The following COL5A2 variants were observed in gnomAD, a reference collection of about 807,000 sequenced individuals.
COL5A2 encodes collagen type V alpha 2 chain.
COL5A2 carries 23 observed loss-of-function variants against 208.2 expected under a neutral mutation model. The ratio of observed to expected loss-of-function variants is 0.11; its 90% CI spans 0.08 to 0.16. COL5A2 has a LOEUF of 0.16. COL5A2 is among the 10% of genes least tolerant of loss of function. The pLI is 1.00. For synonymous variants in COL5A2, 625 were observed against 628.5 expected (o/e 0.99, Z 0.08); for missense variants, 1,590 against 1,956.4 (o/e 0.81, Z 3.53).
At chr2:189,382,399 T>A in the COL5A2 span, among the ~76,000 whole-genome samples, 12 of 152,038 alleles carry the variant, frequency 7.9e-5, no homozygotes, top group Non-Finnish European at 7.4e-5. Flanking sequence ...AAAATAAAGA[T>A]TTTTTAAAGA....
chr2:189,363,731 T>C, the COL5A2 span, among the ~76,000 whole-genome samples: 1 of 152,238 alleles, frequency 6.6e-6, no homozygotes, highest in East Asian at 1.9e-4. Flanking sequence ...CTCTCCCAAG[T>C]CATGAGTGGC....
the COL5A2 span, among the ~76,000 whole-genome samples, chr2:189,390,427 G>T: frequency 6.6e-6 from 1 of 152,136 alleles, no homozygotes; most frequent in Non-Finnish European, 1.5e-5. Flanking sequence ...AGGTAAACTT[G>T]ACTAGGCATA....
chr2:189,049,240 C>T (rs1238931571), intron 44 of COL5A2, 107 bp downstream of exon 44: 4 of 811,192 alleles, frequency 4.9e-6, no homozygotes, highest in East Asian at 2.7e-5. Flanking sequence ...AAGAAACTTT[C>T]TTAAGGTCAA....
upstream of COL5A2, among the ~76,000 whole-genome samples, chr2:189,184,861 T>C (rs1394338835): frequency 6.6e-6 from 1 of 152,184 alleles, no homozygotes; most frequent in Non-Finnish European, 1.5e-5. Context: ...TTAGATTGTG[T>C]AAAAGTAGGC....
chr2:189,075,439 T>C lies in COL5A2; in HGVS notation c.1060-2A>G. 2 of 1,604,378 alleles carry C rather than the reference T, an allele frequency of 1.2e-6. No homozygotes were observed. Among genetic ancestry groups the C allele is most frequent in the Non-Finnish European group, 8.5e-7 (1 of 1,171,628 alleles). On this transcript the variant is annotated splice_acceptor_variant, in intron 16 of 53. Transcript: ENST00000374866. LOFTEE classifies it high-confidence loss of function. ...CATACCATGTGCACCTCGTTGTCCC[T>C]AATTAAGAGAAAAAGAGACAAGACA...
At chr2:189,213,041 A>G (rs573574716) in intron 1 of COL5A2, among the ~76,000 whole-genome samples, 1 of 152,000 alleles carries the variant, frequency 6.6e-6, no homozygotes, top group African/African-American at 2.4e-5. Context: ...GGCGCATGTC[A>G]CCATGACTAG....
At chr2:189,111,863 C>CT (rs374979665) in intron 1 of COL5A2, among the ~76,000 whole-genome samples, 19,525 of 145,446 alleles carry the variant, frequency 0.13, 1,284 homozygotes, top group Middle Eastern at 0.2. Flanking sequence ...TATTTCTTTT[C>CT]TTTTTTTTTT....
In COL5A2 at chr2:189,036,599, TA is replaced by T. The variant is rs779762130; in HGVS notation, c.4113+16del. ...AAAAAGTAAAGAATACAATTTTAAG[TA>T]AACATATTAAATTACCTGAGACCCT... On this transcript the variant is annotated intron_variant, in intron 52 of 53. Coordinates refer to ENST00000374866, the MANE Select transcript of COL5A2 (RefSeq NM_000393.5). 4 of 1,587,220 alleles carry T rather than the reference TA, an allele frequency of 2.5e-6. No individual in the cohort carries two copies. The highest frequency in any genetic ancestry group is 1.3e-5 in the African/African-American group (1 of 74,284).
At chr2:189,245,137 G>A in the COL5A2 span, among the ~76,000 whole-genome samples, 1 of 152,106 alleles carries the variant, frequency 6.6e-6, no homozygotes, top group African/African-American at 2.4e-5. Flanking sequence ...GATCTGGATG[G>A]GGACACAGCC....
At chr2:189,234,435 T>C in the COL5A2 span, among the ~76,000 whole-genome samples, 2 of 151,826 alleles carry the variant, frequency 1.3e-5, no homozygotes, top group African/African-American at 2.4e-5. Flanking sequence ...TTTTTCCATA[T>C]ATTGGCTGAA....
chr2:189,072,114 A>C, intron 17 of COL5A2, 21 bp from the exon 18 acceptor site: 4 of 1,579,714 alleles, frequency 2.5e-6, no homozygotes, highest in Non-Finnish European at 3.5e-6. Flanking sequence ...AAACCAGAAA[A>C]GTAATCAGAC....
chr2:189,086,698 G>A lies in COL5A2; in HGVS notation c.690+28C>T, dbSNP rs371071806. 3.8e-4 allele frequency: 585 copies of A among 1,539,074 alleles called. 4 individuals are homozygous for A. The African/African-American group carries it at 6.2e-3, about 16-fold the overall frequency. ...TGTGTGTGTGTATGTTTTTCTTACA[G>A]CATGTAATTAATTATAAAGAGACTT... is the stretch of plus-strand genomic sequence containing the variant. On this transcript the variant is annotated intron_variant, in intron 9 of 53. Coordinates refer to ENST00000374866, the MANE Select transcript of COL5A2 (RefSeq NM_000393.5).
At chr2:189,426,970 A>G in the COL5A2 span, among the ~76,000 whole-genome samples, 1 of 152,346 alleles carries the variant, frequency 6.6e-6, no homozygotes, top group South Asian at 2.1e-4. Flanking sequence ...AGAAAAGCCC[A>G]TTTTCAGGGG....
intron 1 of COL5A2, among the ~76,000 whole-genome samples, chr2:189,191,166 AC>A (rs369061155): frequency 0.032 from 3,326 of 103,948 alleles, 99 homozygotes; most frequent in African/African-American, 0.064. Flanking sequence ...AAACAAACAA[AC>A]AACAAAAAAC....
the COL5A2 span, among the ~76,000 whole-genome samples, chr2:189,315,171 C>G: frequency 2.0e-5 from 3 of 152,014 alleles, no homozygotes; most frequent in Non-Finnish European, 4.4e-5. Flanking sequence ...GCAAAAATCC[C>G]CAACAAAATA....
intron 1 of COL5A2, among the ~76,000 whole-genome samples, chr2:189,174,768 G>A (rs6719104): frequency 0.58 from 88,859 of 151,926 alleles, 27,381 homozygotes; most frequent in East Asian, 0.72. Context: ...TACGAGTCAT[G>A]GTCCAAGTAT....
chr2:189,118,426 C>A (rs1687438952), intron 1 of COL5A2, among the ~76,000 whole-genome samples: 3 of 151,860 alleles, frequency 2.0e-5, no homozygotes, highest in African/African-American at 7.3e-5. Context: ...TTTCAATTTT[C>A]CCTGATACAG....
chr2:189,403,223 G>C, the COL5A2 span, among the ~76,000 whole-genome samples: 72 of 152,264 alleles, frequency 4.7e-4, no homozygotes, highest in African/African-American at 1.7e-3. Flanking sequence ...CCTGTTATTG[G>C]TGTACAGGAA....
intron 12 of COL5A2, among the ~76,000 whole-genome samples, chr2:189,082,260 T>C (rs1041564490): frequency 5.3e-5 from 8 of 152,220 alleles, no homozygotes; most frequent in African/African-American, 1.9e-4. Flanking sequence ...ATGAAATTCA[T>C]ATAACAAAAT....
Sources: gnomAD v4.1 joint callset for allele counts (sites outside exome capture counted in the v4.1 genomes callset) on GRCh38, gnomAD v4.1.1 for gene constraint, MANE v1.5 for transcripts, NCBI Gene and HGNC (gene_info 2026-07-23, HGNC 2026-07-21) for gene names.